CSMD1: variants seen among roughly 807,000 people sequenced by gnomAD.
The protein encoded by CSMD1 is CUB and Sushi multiple domains 1.
CSMD1 carries 213 observed loss-of-function variants against 417.5 expected under a neutral mutation model. That is an observed-to-expected ratio of 0.51 (90% confidence interval 0.46 to 0.57). The LOEUF (loss-of-function observed/expected upper bound fraction) is 0.57, where lower values mean the gene tolerates loss of function less well. Ranked by LOEUF, CSMD1 falls within the 20% of genes least tolerant of loss-of-function variation. CSMD1 has a pLI of 0.00. For synonymous variants in CSMD1, 2,862 were observed against 1,736.8 expected (o/e 1.65, Z -16.11); for missense variants, 6,923 against 4,529.7 (o/e 1.53, Z -15.17).
At chr8:4,171,361 G>T (rs1464334411) in intron 3 of CSMD1, among the ~76,000 whole-genome samples, 3 of 151,780 alleles carry the variant, frequency 2.0e-5, no homozygotes, top group Non-Finnish European at 4.4e-5. Flanking sequence ...TACCTTCCTT[G>T]AATTTTCTCT....
chr8:3,460,548 C>T (rs143419738), intron 12 of CSMD1, among the ~76,000 whole-genome samples: 51 of 152,024 alleles, frequency 3.4e-4, no homozygotes, highest in Admixed American at 5.2e-4. Flanking sequence ...AATGAAGTTT[C>T]GACCACTACA....
intron 3 of CSMD1, among the ~76,000 whole-genome samples, chr8:4,179,763 T>C (rs1798252519): frequency 1.4e-5 from 2 of 139,812 alleles, no homozygotes; most frequent in African/African-American, 5.3e-5. Flanking sequence ...CAAAAAGTGG[T>C]GAACAATATG....
intron 3 of CSMD1, among the ~76,000 whole-genome samples, chr8:4,085,315 G>C (rs1455902458): frequency 1.3e-5 from 2 of 152,094 alleles, no homozygotes; most frequent in African/African-American, 4.8e-5. Flanking sequence ...GTTTAATGAA[G>C]CTTCTTGGAG....
chr8:3,326,850 C>T (rs1265623036), intron 23 of CSMD1, among the ~76,000 whole-genome samples: 4 of 152,134 alleles, frequency 2.6e-5, no homozygotes, highest in Middle Eastern at 6.8e-3. Flanking sequence ...AGGATTCTTA[C>T]AAGGTGTAAG....
At position 4,428,759 on chromosome 8, in the gene CSMD1, G is replaced by A. The variant is rs150774676; in HGVS notation, c.303-8694C>T. On this transcript the variant is annotated intron_variant, in intron 2 of 69. Transcript: ENST00000635120. ...TATTGAGAAGGAGTCTAGCTTTGTCGCCCAGGCTGGAGTGCAGTGGCGTGA... is the reference window on the plus strand; with the variant it reads ...TATTGAGAAGGAGTCTAGCTTTGTCACCCAGGCTGGAGTGCAGTGGCGTGA... Among the ~76,000 whole-genome samples the A allele has an allele frequency of 2.2e-3, 336 of 151,986 alleles. 1 individual carries two copies. Among genetic ancestry groups the A allele is most frequent in the African/African-American group, 6.9e-3 (285 of 41,464 alleles).
At chr8:4,029,017 G>C (rs956514723) in intron 4 of CSMD1, among the ~76,000 whole-genome samples, 4 of 152,166 alleles carry the variant, frequency 2.6e-5, no homozygotes, top group Non-Finnish European at 4.4e-5. Flanking sequence ...AACGGCACTT[G>C]GGAGAGGGCA....
chr8:3,529,805 G>A (rs1455414527), intron 10 of CSMD1, among the ~76,000 whole-genome samples: 2 of 152,058 alleles, frequency 1.3e-5, no homozygotes, highest in Non-Finnish European at 1.5e-5. Context: ...ATCCCTCCTG[G>A]AATTTTCCCA....
At chr8:3,540,274 C>T (rs1417672986) in intron 10 of CSMD1, among the ~76,000 whole-genome samples, 1 of 152,218 alleles carries the variant, frequency 6.6e-6, no homozygotes, top group Non-Finnish European at 1.5e-5. Context: ...ACAACCTCCT[C>T]ATTTGGCAAA....
At chr8:4,754,766 T>C (rs969173188) in intron 1 of CSMD1, among the ~76,000 whole-genome samples, 3 of 152,072 alleles carry the variant, frequency 2.0e-5, no homozygotes, top group South Asian at 2.1e-4. Context: ...GGAGATTCGT[T>C]TGAACCCAGG....
At chr8:3,902,620 G>A (rs1807830385) in intron 5 of CSMD1, among the ~76,000 whole-genome samples, 1 of 152,054 alleles carries the variant, frequency 6.6e-6, no homozygotes, top group African/African-American at 2.4e-5. Flanking sequence ...CCGCCGATCT[G>A]AGAGGAGGCA....
intron 2 of CSMD1, among the ~76,000 whole-genome samples, chr8:4,491,426 G>A (rs1801694576): frequency 6.6e-6 from 1 of 152,062 alleles, no homozygotes; most frequent in African/African-American, 2.4e-5. Flanking sequence ...CCCTAGCTGT[G>A]ATAAGGTCAG....
chr8:2,949,445 T>C (rs1427775148), intron 67 of CSMD1, 59 bp from the exon 68 acceptor site: 18 of 823,456 alleles, frequency 2.2e-5, no homozygotes, highest in Non-Finnish European at 3.1e-5. Flanking sequence ...ATGAATAATA[T>C]CCTCTTTTAA....
At chr8:3,966,747 ACACACACGCGCGCG>A (rs1310536964) in intron 5 of CSMD1, among the ~76,000 whole-genome samples, 11 of 102,324 alleles carry the variant, frequency 1.1e-4, no homozygotes, top group African/African-American at 3.8e-4. Flanking sequence ...ACACACACAC[ACACACACGCGCGCG>A]CGCGCACACA....
intron 4 of CSMD1, among the ~76,000 whole-genome samples, chr8:4,015,061 C>A (rs2554603): frequency 0.33 from 50,544 of 151,888 alleles, 9,449 homozygotes; most frequent in East Asian, 0.61. Flanking sequence ...AATTTTGATA[C>A]GATTTACACT....
intron 10 of CSMD1, among the ~76,000 whole-genome samples, chr8:3,525,496 G>C (rs976632851): frequency 9.9e-5 from 15 of 152,170 alleles, no homozygotes; most frequent in Admixed American, 3.3e-4. Context: ...TCCGTGATAA[G>C]AAACGCAGTA....
chr8:4,675,831 C>A (rs1231477417), intron 1 of CSMD1, among the ~76,000 whole-genome samples: 1 of 152,130 alleles, frequency 6.6e-6, no homozygotes, highest in Non-Finnish European at 1.5e-5. Context: ...GTACTCTAAT[C>A]ATCACATTTA....
intron 31 of CSMD1, among the ~76,000 whole-genome samples, chr8:3,204,254 G>A (rs1029648496): frequency 1.3e-5 from 2 of 152,122 alleles, no homozygotes; most frequent in Admixed American, 6.5e-5. Flanking sequence ...TTTTAATTGT[G>A]TAATGATGAC....
intron 3 of CSMD1, among the ~76,000 whole-genome samples, chr8:4,169,504 T>C (rs75159475): frequency 1.3e-5 from 2 of 152,150 alleles, no homozygotes; most frequent in Non-Finnish European, 2.9e-5. Flanking sequence ...TGCGGCCTTG[T>C]CTCCATTTTC....
chr8:3,093,431 T>C (rs1304089071), intron 47 of CSMD1, among the ~76,000 whole-genome samples: 2 of 151,954 alleles, frequency 1.3e-5, no homozygotes, highest in African/African-American at 4.8e-5. Context: ...CTTTGGGAGG[T>C]AGAGGCGAGT....
Sources: gnomAD v4.1 joint callset for allele counts (sites outside exome capture counted in the v4.1 genomes callset) on GRCh38, gnomAD v4.1.1 for gene constraint, MANE v1.5 for transcripts, NCBI Gene and HGNC (gene_info 2026-07-23, HGNC 2026-07-21) for gene names.